The following CNTN6 variants were observed in gnomAD, a reference collection of about 807,000 sequenced individuals.
The protein encoded by CNTN6 is contactin-6.
A neutral mutation model predicts 122.8 loss-of-function variants in CNTN6; 137 were observed. The ratio of observed to expected loss-of-function variants is 1.12; its 90% CI spans 0.97 to 1.29. CNTN6 has a LOEUF of 1.29. Among genes scored for constraint, CNTN6 ranks in the 50% most tolerant of loss-of-function variants. CNTN6 has a pLI of 0.00. For missense variants in CNTN6, 1,634 were observed against 1,223.4 expected (o/e 1.34, Z -5.01); for synonymous variants, 570 against 426.0 (o/e 1.34, Z -4.16).
At chr3:1,142,485 T>C (rs150066267) in intron 1 of CNTN6, among the ~76,000 whole-genome samples, 113 of 152,278 alleles carry the variant, frequency 7.4e-4, no homozygotes, top group African/African-American at 2.5e-3. Flanking sequence ...ACGTATACAC[T>C]GAATTAGAAA....
At chr3:1,326,014 G>C in intron 9 of CNTN6, 63 bp downstream of exon 9, 1 of 1,418,542 alleles carries the variant, frequency 7.0e-7, no homozygotes, top group Non-Finnish European at 9.7e-7. Flanking sequence ...GTTACTAACA[G>C]TACTAGTAAC....
At chr3:1,225,051 C>A (rs1323410655) in intron 3 of CNTN6, among the ~76,000 whole-genome samples, 1 of 152,062 alleles carries the variant, frequency 6.6e-6, no homozygotes, top group African/African-American at 2.4e-5. Context: ...CCTAGCCCAG[C>A]CATTATTCTT....
At chr3:1,323,615 G>C (rs777223836) in intron 8 of CNTN6, among the ~76,000 whole-genome samples, 1 of 151,658 alleles carries the variant, frequency 6.6e-6, no homozygotes. Context: ...TTATAATTCA[G>C]AACCAAGTAA....
At chr3:1,282,371 A>G (rs1046615397) in intron 5 of CNTN6, among the ~76,000 whole-genome samples, 10 of 152,230 alleles carry the variant, frequency 6.6e-5, no homozygotes, top group Admixed American at 3.3e-4. Flanking sequence ...GTGCAAAAGA[A>G]AAATAACCTA....
intron 5 of CNTN6, among the ~76,000 whole-genome samples, chr3:1,282,674 T>C (rs954436969): frequency 6.6e-6 from 1 of 152,212 alleles, no homozygotes; most frequent in Non-Finnish European, 1.5e-5. Flanking sequence ...CACATCTGAT[T>C]ACAAAACTTC....
chr3:1,102,941 AC>A (rs1363384717), intron 1 of CNTN6, among the ~76,000 whole-genome samples: 1 of 150,042 alleles, frequency 6.7e-6, no homozygotes, highest in Non-Finnish European at 1.5e-5. Flanking sequence ...CCCCGTCTCT[AC>A]CAAAAATACA....
intron 16 of CNTN6, among the ~76,000 whole-genome samples, chr3:1,376,058 C>A (rs114563590): frequency 1.1e-3 from 166 of 152,218 alleles, no homozygotes; most frequent in African/African-American, 3.9e-3. Context: ...ATTGTTCAGA[C>A]ATGGTCCAGT....
At chr3:1,374,152 GTCT>G in intron 16 of CNTN6, 79 bp downstream of exon 16, 1 of 1,422,970 alleles carries the variant, frequency 7.0e-7, no homozygotes. Flanking sequence ...ATTTTTATGT[GTCT>G]TCTAATACTT....
At chr3:1,332,698 TC>T (rs1209589557) in intron 11 of CNTN6, among the ~76,000 whole-genome samples, 1 of 152,030 alleles carries the variant, frequency 6.6e-6, no homozygotes, top group Non-Finnish European at 1.5e-5. Flanking sequence ...TCATTTGTCT[TC>T]TATAGAACTT....
intron 4 of CNTN6, among the ~76,000 whole-genome samples, chr3:1,250,979 G>A (rs113203011): frequency 5.3e-5 from 8 of 151,872 alleles, no homozygotes; most frequent in South Asian, 2.1e-4. Flanking sequence ...CCATTAGCCC[G>A]CACTACTCAT....
intron 7 of CNTN6, among the ~76,000 whole-genome samples, chr3:1,319,391 C>G (rs1234069883): frequency 6.6e-6 from 1 of 151,594 alleles, no homozygotes; most frequent in African/African-American, 2.4e-5. Context: ...TGTACAGATA[C>G]ATAGTACTTG....
intron 6 of CNTN6, among the ~76,000 whole-genome samples, chr3:1,297,274 T>C (rs1233355572): frequency 6.6e-6 from 1 of 152,182 alleles, no homozygotes; most frequent in Non-Finnish European, 1.5e-5. Flanking sequence ...AGTATTTAAA[T>C]AATCTTGAGA....
At chr3:1,374,971 A>C (rs1027992726) in intron 16 of CNTN6, among the ~76,000 whole-genome samples, 1 of 152,048 alleles carries the variant, frequency 6.6e-6, no homozygotes, top group Non-Finnish European at 1.5e-5. Context: ...TGTTTTACAG[A>C]AGAGGAAAAT....
At chr3:1,128,573 T>C (rs1443506584) in intron 1 of CNTN6, among the ~76,000 whole-genome samples, 1 of 151,944 alleles carries the variant, frequency 6.6e-6, no homozygotes, top group Non-Finnish European at 1.5e-5. Context: ...AGTATATAAA[T>C]CAACGATTAT....
At chr3:1,372,662 T>C (rs773639966) in intron 13 of CNTN6, among the ~76,000 whole-genome samples, 176 bp from the exon 14 acceptor site, 1 of 152,156 alleles carries the variant, frequency 6.6e-6, no homozygotes, top group Non-Finnish European at 1.5e-5. Context: ...GTTTTCTAGA[T>C]GTAATTATAA....
intron 20 of CNTN6, among the ~76,000 whole-genome samples, chr3:1,388,644 C>CAAAG (rs1170020510): frequency 6.9e-6 from 1 of 145,402 alleles, no homozygotes; most frequent in Non-Finnish European, 1.5e-5. Flanking sequence ...AAACCAAAGG[C>CAAAG]AAAGAAGTTG....
intron 12 of CNTN6, among the ~76,000 whole-genome samples, chr3:1,369,485 G>T (rs1259132531): frequency 6.7e-6 from 1 of 150,092 alleles, no homozygotes; most frequent in East Asian, 2.0e-4. Flanking sequence ...TTACAAATGA[G>T]TTAACTAGTG....
At chr3:1,109,289 C>G (rs183577542) in intron 1 of CNTN6, among the ~76,000 whole-genome samples, 1 of 152,190 alleles carries the variant, frequency 6.6e-6, no homozygotes, top group Admixed American at 6.5e-5. Context: ...TTTCCACATT[C>G]ATTCTCAAAA....
chr3:1,331,008 A>G (rs549141589), intron 11 of CNTN6, among the ~76,000 whole-genome samples: 1 of 151,998 alleles, frequency 6.6e-6, no homozygotes, highest in Non-Finnish European at 1.5e-5. Flanking sequence ...TAGCCATAGG[A>G]TGAATGAAGG....
Sources: allele counts gnomAD v4.1 joint callset (sites outside exome capture counted in the v4.1 genomes callset), GRCh38; gene constraint gnomAD v4.1.1; transcripts MANE v1.5; gene names NCBI Gene and HGNC (gene_info 2026-07-23, HGNC 2026-07-21).